The following FAM13C variants were observed in gnomAD, a reference collection of about 807,000 sequenced individuals.
FAM13C encodes family with sequence similarity 13 member C, also known as protein FAM13C.
A neutral mutation model predicts 73.2 loss-of-function variants in FAM13C; 37 were observed. That is an observed-to-expected ratio of 0.51 (90% CI 0.39 to 0.67). FAM13C has a LOEUF of 0.67. Ranked by LOEUF, FAM13C falls within the 30% of genes least tolerant of loss-of-function variation. FAM13C has a pLI of 0.00. For synonymous variants in FAM13C, 246 were observed against 260.9 expected (o/e 0.94, Z 0.55); for missense variants, 589 against 715.6 (o/e 0.82, Z 2.02).
intron 3 of FAM13C, among the ~76,000 whole-genome samples, chr10:59,340,882 C>T (rs1338109377): frequency 1.3e-5 from 2 of 151,754 alleles, no homozygotes; most frequent in African/African-American, 4.8e-5. Flanking sequence ...CTAGTTCAGG[C>T]TTTTGTTTCA....
chr10:59,265,534 C>T lies in FAM13C; in HGVS notation c.943-1368G>A, dbSNP rs566221481. On this transcript the variant is annotated intron_variant, in intron 8 of 13. Coordinates refer to ENST00000618804, the MANE Select transcript of FAM13C (RefSeq NM_198215.4). ...CCCAAAATCCTTAGAGAATTCTCCA[C>T]TCCGATCTGAGAACACACCTTGTTG... is the stretch of plus-strand genomic sequence containing the variant. Among the ~76,000 whole-genome samples the T allele has an allele frequency of 4.6e-5, 7 of 152,226 alleles. No homozygotes were observed. In the South Asian group the frequency reaches 1.5e-3, roughly 32 times the overall value.
chr10:59,358,530 G>C (rs1324266342), intron 1 of FAM13C, among the ~76,000 whole-genome samples: 2 of 152,212 alleles, frequency 1.3e-5, no homozygotes, highest in Non-Finnish European at 2.9e-5. Flanking sequence ...CCTGAGCTTT[G>C]TAATGTGGAT....
At chr10:59,358,053 T>C (rs1901180) in intron 1 of FAM13C, among the ~76,000 whole-genome samples, 44,071 of 152,054 alleles carry the variant, frequency 0.29, 6,697 homozygotes, top group East Asian at 0.41. Context: ...ACTCTAACCC[T>C]TTCTACTTAC....
chr10:59,258,454 G>A (rs1589361336), intron 10 of FAM13C, among the ~76,000 whole-genome samples: 2 of 152,156 alleles, frequency 1.3e-5, no homozygotes, highest in Non-Finnish European at 2.9e-5. Context: ...CTGCACTCTA[G>A]CCTGAATGAT....
intron 4 of FAM13C, among the ~76,000 whole-genome samples, chr10:59,309,147 TC>T (rs1848640170): frequency 6.6e-6 from 1 of 152,200 alleles, no homozygotes; most frequent in East Asian, 1.9e-4. Context: ...CGCTTTTCTT[TC>T]CCTTAAGCCC....
chr10:59,325,432 C>T (rs1439302730), intron 3 of FAM13C, among the ~76,000 whole-genome samples: 1 of 152,180 alleles, frequency 6.6e-6, no homozygotes, highest in Non-Finnish European at 1.5e-5. Flanking sequence ...TATCAAGATC[C>T]TCTCTTTAAT....
chr10:59,260,455 C>T (rs1029963060), intron 10 of FAM13C, among the ~76,000 whole-genome samples: 6 of 152,174 alleles, frequency 3.9e-5, no homozygotes, highest in African/African-American at 4.8e-5. Context: ...CCTTTCATCA[C>T]GGCCTTCATA....
intron 1 of FAM13C, among the ~76,000 whole-genome samples, chr10:59,357,907 T>C (rs951610336): frequency 6.6e-6 from 1 of 152,224 alleles, no homozygotes; most frequent in African/African-American, 2.4e-5. Flanking sequence ...GTTTATACTA[T>C]ATGAAATAAT....
intron 13 of FAM13C, 34 bp from the exon 14 acceptor site, chr10:59,247,771 T>C: frequency 6.3e-7 from 1 of 1,592,312 alleles, no homozygotes. Flanking sequence ...TAGTTCACAA[T>C]GAATCAAGTC....
chr10:59,336,107 TA>T (rs1306231247), intron 3 of FAM13C, among the ~76,000 whole-genome samples: 1 of 152,132 alleles, frequency 6.6e-6, no homozygotes, highest in Non-Finnish European at 1.5e-5. Flanking sequence ...CAGAATAACT[TA>T]AATGGTTGGA....
intron 4 of FAM13C, among the ~76,000 whole-genome samples, chr10:59,311,502 TAGTA>T (rs1848915850): frequency 6.6e-6 from 1 of 152,164 alleles, no homozygotes; most frequent in Non-Finnish European, 1.5e-5. Flanking sequence ...TCCATACACT[TAGTA>T]AACAATGATC....
chr10:59,261,654 ATAGT>A (rs1279125897), intron 10 of FAM13C, among the ~76,000 whole-genome samples: 6 of 152,126 alleles, frequency 3.9e-5, no homozygotes, highest in South Asian at 2.1e-4. Context: ...GGCCTACAAG[ATAGT>A]TAGAGCTGTG....
At chr10:59,291,957 T>TG (rs1225909801) in intron 5 of FAM13C, among the ~76,000 whole-genome samples, 1 of 151,898 alleles carries the variant, frequency 6.6e-6, no homozygotes, top group Non-Finnish European at 1.5e-5. Flanking sequence ...CCTGGCGAAT[T>TG]TTTTATATTT....
intron 8 of FAM13C, among the ~76,000 whole-genome samples, chr10:59,267,396 G>T (rs370115619): frequency 3.3e-5 from 5 of 152,256 alleles, no homozygotes; most frequent in East Asian, 1.9e-4. Flanking sequence ...TTTCCATCAG[G>T]TGTCAGTTTC....
intron 10 of FAM13C, among the ~76,000 whole-genome samples, chr10:59,255,567 T>C (rs1050681448): frequency 5.9e-5 from 9 of 152,140 alleles, no homozygotes; most frequent in African/African-American, 1.9e-4. Context: ...TCCAGTGATA[T>C]ACACTTGGCA....
chr10:59,259,936 C>T (rs1842328107), intron 10 of FAM13C, among the ~76,000 whole-genome samples: 1 of 152,100 alleles, frequency 6.6e-6, no homozygotes, highest in African/African-American at 2.4e-5. Context: ...CAAACTGGGA[C>T]GATTGGTCAC....
chr10:59,282,525 C>G (rs1343409914), intron 6 of FAM13C: 2 of 152,086 alleles, frequency 1.3e-5, no homozygotes, highest in Non-Finnish European at 2.9e-5. Flanking sequence ...GGTACTGAAA[C>G]AGATTACCTG....
intron 3 of FAM13C, among the ~76,000 whole-genome samples, chr10:59,326,586 T>C (rs996394650): frequency 1.3e-5 from 2 of 152,174 alleles, no homozygotes; most frequent in Non-Finnish European, 2.9e-5. Flanking sequence ...TATTCTTCCT[T>C]CCAGAGATCC....
intron 6 of FAM13C, chr10:59,282,261 G>A (rs1417409814): frequency 6.6e-6 from 1 of 152,102 alleles, no homozygotes; most frequent in Non-Finnish European, 1.5e-5. Context: ...ACAGTGCCAG[G>A]ATCATAGAAT....
Sources: gnomAD v4.1 joint callset for allele counts (sites outside exome capture counted in the v4.1 genomes callset) on GRCh38, gnomAD v4.1.1 for gene constraint, MANE v1.5 for transcripts, NCBI Gene and HGNC (gene_info 2026-07-23, HGNC 2026-07-21) for gene names.